DGKK: variants seen among roughly 807,000 people sequenced by gnomAD.
The protein encoded by DGKK is 142 kDa diacylglycerol kinase.
Under a neutral mutation model 92.2 loss-of-function variants are expected in DGKK, and 35 were observed. The observed-to-expected ratio is 0.38, with a 90% CI of 0.29 to 0.50. The LOEUF (loss-of-function observed/expected upper bound fraction) is 0.50. DGKK is among the 20% of genes least tolerant of loss of function. DGKK has a pLI of 0.92. For synonymous variants in DGKK, 368 were observed against 360.6 expected (o/e 1.02, Z -0.23); for missense variants, 910 against 992.2 (o/e 0.92, Z 1.11).
chrX:50,436,724 G>A (rs1264889556), intron 1 of DGKK, among the ~76,000 whole-genome samples: 4 of 110,176 alleles, frequency 3.6e-5, no homozygotes, highest in Admixed American at 9.6e-5. Context: ...AATGCTATTG[G>A]CCTTTTTTTT....
rs1557226829 is a variant in DGKK, at chrX:50,403,169, T to C, written c.1200A>G (p.Gln400=). ...TGACAGGCATGTTTCCTTCTACCCATTGATGGGGCATGTTCTGCAGAAGGG... is the reference window on the plus strand; with the variant it reads ...TGACAGGCATGTTTCCTTCTACCCACTGATGGGGCATGTTCTGCAGAAGGG... ...LPADEVNMPH[Q]WVEGNMPVSS... Residue 400 remains glutamine, a synonymous_variant, in exon 7 of 28, where the codon CAA becomes CAG. Transcript: ENST00000611977. The C allele has an allele frequency of 8.4e-7, 1 of 1,197,315 alleles. No homozygotes were observed. Among genetic ancestry groups the C allele is most frequent in the East Asian group, 3.0e-5 (1 of 33,429 alleles).
chrX:50,449,728 T>C (rs1487059393), intron 1 of DGKK, among the ~76,000 whole-genome samples: 1 of 110,939 alleles, frequency 9.0e-6, no homozygotes, highest in African/African-American at 3.3e-5. Flanking sequence ...AGGGCCCCAA[T>C]AGCACCTACG....
chrX:50,432,899 C>A (rs1296652013), intron 1 of DGKK, among the ~76,000 whole-genome samples: 1 of 111,526 alleles, frequency 9.0e-6, no homozygotes, highest in Non-Finnish European at 1.9e-5. Context: ...TACTGGAATT[C>A]CTAGGGAGGG....
chrX:50,434,696 C>T (rs1925974016), intron 1 of DGKK, among the ~76,000 whole-genome samples: 1 of 109,804 alleles, frequency 9.1e-6, no homozygotes. Flanking sequence ...AAAAAAAAAA[C>T]AGTCCTTTAG....
chrX:50,424,287 C>T lies in DGKK; in HGVS notation c.717G>A (p.Leu239=), dbSNP rs1557229466. 1 of 1,211,011 alleles carries T rather than the reference C, an allele frequency of 8.3e-7. No homozygotes were observed. Among genetic ancestry groups the T allele is most frequent in the South Asian group, 1.8e-5 (1 of 56,891 alleles). ...CAAAGTAGAGCTTCTGTCCTTGAAC[C>T]AGAAAATATCTAAGCTTCCATCTCT... ...SFKRWKLRYF[L]VQGQKLYFAH... The change falls in exon 2 of 28, where the codon CTG becomes CTA. Residue 239 remains leucine, a synonymous_variant. Coordinates refer to ENST00000611977, the MANE Select transcript of DGKK (RefSeq NM_001013742.4).
intron 1 of DGKK, among the ~76,000 whole-genome samples, chrX:50,469,548 C>T (rs1038146932): frequency 8.0e-5 from 9 of 112,297 alleles, no homozygotes; most frequent in Non-Finnish European, 1.7e-4. Context: ...GGCGCCCCCT[C>T]CCCAGTGGCA....
chrX:50,376,665 C>T, intron 23 of DGKK, 93 bp downstream of exon 23: 1 of 890,706 alleles, frequency 1.1e-6, no homozygotes, highest in Non-Finnish European at 1.5e-6. Context: ...CTCTCTGAGG[C>T]CAGGCTCCCT....
chrX:50,411,949 GC>G (rs1212087914), intron 4 of DGKK, among the ~76,000 whole-genome samples: 2 of 111,356 alleles, frequency 1.8e-5, no homozygotes, highest in Non-Finnish European at 3.8e-5. Flanking sequence ...TATCCAAAAT[GC>G]CTGGGACCAA....
intron 1 of DGKK, among the ~76,000 whole-genome samples, chrX:50,432,440 G>A (rs544234533): frequency 8.9e-6 from 1 of 112,023 alleles, no homozygotes; most frequent in South Asian, 3.8e-4. Flanking sequence ...CCTGTAAATC[G>A]TAGCATTCTA....
intron 1 of DGKK, among the ~76,000 whole-genome samples, chrX:50,438,905 G>A (rs1001396447): frequency 8.1e-5 from 9 of 111,400 alleles, no homozygotes; most frequent in East Asian, 2.8e-4. Context: ...TTAACACTGC[G>A]GGGATAGACC....
At chrX:50,403,433 T>A in intron 6 of DGKK, 58 bp downstream of exon 6, 3 of 1,063,432 alleles carry the variant, frequency 2.8e-6, no homozygotes, top group Non-Finnish European at 3.9e-6. Flanking sequence ...CCCCTGTGTA[T>A]CCTGGTTGAA....
intron 1 of DGKK, among the ~76,000 whole-genome samples, chrX:50,458,683 A>G: frequency 9.0e-6 from 1 of 111,135 alleles, no homozygotes; most frequent in Non-Finnish European, 1.9e-5. Flanking sequence ...TGATTGCACA[A>G]CATTAATCAG....
intron 2 of DGKK, among the ~76,000 whole-genome samples, chrX:50,423,715 A>G (rs1402548360): frequency 8.9e-6 from 1 of 111,836 alleles, no homozygotes; most frequent in African/African-American, 3.2e-5. Flanking sequence ...CTAAACACAA[A>G]TTGTATAATT....
rs781894903 is a variant in DGKK, at chrX:50,458,039, C to CTTTCTT, written c.645+11989_645+11994dup. Among the ~76,000 whole-genome samples, 11 of 110,887 alleles carry CTTTCTT rather than the reference C, an allele frequency of 9.9e-5. No homozygotes were observed. In the East Asian group the frequency reaches 1.7e-3, roughly 17 times the overall value. ...AATTTAAACCCTGACTTGTTTCTTT[C>CTTTCTT]TTTCTTTTTCTTTTTCTTTTTGGTC... is the stretch of plus-strand genomic sequence containing the variant. On this transcript the variant is annotated intron_variant, in intron 1 of 27. Transcript: ENST00000611977.
At chrX:50,387,775 C>T (rs1387820306) in intron 13 of DGKK, 122 bp from the exon 14 acceptor site, 1 of 482,573 alleles carries the variant, frequency 2.1e-6, no homozygotes, top group Non-Finnish European at 3.4e-6. Flanking sequence ...CTCTTTCTCT[C>T]ACCCTCTGCT....
Position 50,403,525 on chromosome X carries a change from A to G in DGKK, c.1151T>C (p.Ile384Thr). The G allele has an allele frequency of 1.7e-6, 2 of 1,211,012 alleles. No homozygotes were observed. The highest frequency in any genetic ancestry group is 1.1e-6 in the Non-Finnish European group (1 of 894,950). The change falls in exon 6 of 28, where the codon ATC (isoleucine) becomes ACC (threonine). Residue 384 changes from isoleucine (I) to threonine (T), a missense_variant. Physicochemically the swap from Ile to Thr is moderately conservative, Grantham distance 89 (BLOSUM62 -1). Coordinates refer to ENST00000611977, the MANE Select transcript of DGKK (RefSeq NM_001013742.4). The part of the protein sequence containing the change: ...SKDCKWNTLS[I>T]TDDLLLPADE... The stretch of plus-strand genomic sequence containing the variant: ...TGCAGGCAGAAGGAGGTCATCAGTG[A>G]TAGACAATGTATTCCACTTGCAGTC...
intron 27 of DGKK, among the ~76,000 whole-genome samples, chrX:50,369,374 C>T (rs782810835): frequency 1.8e-5 from 2 of 111,536 alleles, no homozygotes; most frequent in Non-Finnish European, 3.8e-5. Flanking sequence ...TCTTGGCATT[C>T]GTGCAAACTC....
rs1362109901 is a variant in DGKK at position 50,386,517 on chromosome X, CAGA to C, written c.2185_2187del (p.Ser729del). The C allele has an allele frequency of 8.3e-7, 1 of 1,211,042 alleles. No individual in the cohort carries two copies. The highest frequency in any genetic ancestry group is 1.1e-6 in the Non-Finnish European group (1 of 895,205). On this transcript the variant is annotated inframe_deletion, in exon 15 of 28. Transcript: ENST00000611977. The stretch of plus-strand genomic sequence containing the variant: ...GCATATTCTGTAGCACTTTTTTCAG[CAGA>C]AGTAGCTGCTGCCTCCTCAGCCAGG...
intron 26 of DGKK, among the ~76,000 whole-genome samples, chrX:50,371,216 G>T (rs1306387044): frequency 8.9e-6 from 1 of 111,968 alleles, no homozygotes; most frequent in African/African-American, 3.2e-5. Flanking sequence ...TAACTTTGTT[G>T]TCAGAAAACC....
Sources: allele counts gnomAD v4.1 joint callset (sites outside exome capture counted in the v4.1 genomes callset), GRCh38; gene constraint gnomAD v4.1.1; transcripts MANE v1.5; gene names NCBI Gene and HGNC (gene_info 2026-07-23, HGNC 2026-07-21).